Variants in EHBP1 observed in about 807,000 individuals in gnomAD.
EHBP1 encodes EH domain-binding protein 1.
Under a neutral mutation model 144.0 loss-of-function variants are expected in EHBP1, and 55 were observed. The observed-to-expected ratio is 0.38, with a 90% CI of 0.31 to 0.48. The LOEUF (loss-of-function observed/expected upper bound fraction) is 0.48. EHBP1 is among the 20% of genes least tolerant of loss of function. The pLI, the probability that EHBP1 is intolerant of heterozygous loss-of-function variation, is 0.98. For synonymous variants in EHBP1, 469 were observed against 472.7 expected, an observed-to-expected ratio of 0.99 and a Z score of 0.10; for missense variants, 1,200 against 1,364.2, an observed-to-expected ratio of 0.88 and a Z score of 1.90.
intron 5 of EHBP1, among the ~76,000 whole-genome samples, chr2:62,806,006 G>T (rs1005061670): frequency 4.6e-5 from 7 of 151,646 alleles, no homozygotes; most frequent in Non-Finnish European, 8.8e-5. Context: ...CTGAGTCAGG[G>T]TCTCACTCTG....
At chr2:62,820,564 A>G (rs1177917440) in intron 5 of EHBP1, among the ~76,000 whole-genome samples, 1 of 151,144 alleles carries the variant, frequency 6.6e-6, no homozygotes, top group African/African-American at 2.4e-5. Flanking sequence ...TCTGCTTTCT[A>G]TTTGCCTATT....
chr2:62,827,423 A>T (rs1379813303), intron 6 of EHBP1, among the ~76,000 whole-genome samples: 7 of 152,202 alleles, frequency 4.6e-5, no homozygotes, highest in African/African-American at 1.4e-4. Flanking sequence ...TTCAGAGAAG[A>T]TCCTTTGAGG....
chr2:62,697,512 AT>A (rs769142251), intron 1 of EHBP1, among the ~76,000 whole-genome samples: 26 of 152,150 alleles, frequency 1.7e-4, no homozygotes, highest in Non-Finnish European at 3.2e-4. Flanking sequence ...GTTTTTTGTC[AT>A]TGTTAAACAA....
intron 5 of EHBP1, among the ~76,000 whole-genome samples, chr2:62,799,983 G>A (rs1209473973): frequency 1.3e-5 from 2 of 152,146 alleles, no homozygotes; most frequent in Non-Finnish European, 2.9e-5. Context: ...AAAAGTACTC[G>A]TGGTAGAAAG....
At chr2:62,718,262 A>G (rs1009886791) in intron 2 of EHBP1, among the ~76,000 whole-genome samples, 2 of 152,242 alleles carry the variant, frequency 1.3e-5, no homozygotes, top group African/African-American at 2.4e-5. Context: ...GAAATTTTAC[A>G]TAAATCATTT....
intron 8 of EHBP1, 59 bp from the exon 9 acceptor site, chr2:62,864,672 A>G: frequency 1.3e-6 from 2 of 1,509,552 alleles, no homozygotes; most frequent in Middle Eastern, 1.9e-4. Flanking sequence ...ACACTAAACA[A>G]TATTAGAAAA....
intron 5 of EHBP1, among the ~76,000 whole-genome samples, chr2:62,816,845 C>T (rs184624672): frequency 1.5e-3 from 234 of 152,242 alleles, no homozygotes; most frequent in Non-Finnish European, 8.8e-4. Flanking sequence ...CCCACATAAA[C>T]CAAATGAAGG....
chr2:63,032,355 T>C (rs997320426), intron 19 of EHBP1, among the ~76,000 whole-genome samples: 1 of 150,208 alleles, frequency 6.7e-6, no homozygotes, highest in African/African-American at 2.5e-5. Context: ...GATCATGAGG[T>C]CAGGAAATCA....
chr2:62,936,680 TA>T (rs567829996), intron 10 of EHBP1, among the ~76,000 whole-genome samples: 3,235 of 150,280 alleles, frequency 0.022, 83 homozygotes, highest in African/African-American at 0.065. Flanking sequence ...TGTAGAAGAT[TA>T]AAAAAAAAAT....
intron 5 of EHBP1, among the ~76,000 whole-genome samples, chr2:62,811,000 A>C (rs1235921902): frequency 6.6e-6 from 1 of 152,150 alleles, no homozygotes; most frequent in Non-Finnish European, 1.5e-5. Context: ...TCACCTAAAC[A>C]CTTTAAGTTG....
intron 19 of EHBP1, among the ~76,000 whole-genome samples, chr2:63,033,009 ATAT>A (rs2153350547): frequency 6.6e-6 from 1 of 152,296 alleles, no homozygotes; most frequent in Non-Finnish European, 1.5e-5. Context: ...CTGTTTGAGG[ATAT>A]TGTTGGATCA....
chr2:63,045,470 C>T lies in EHBP1; in HGVS notation c.3453C>T (p.Ala1151=). The T allele has an allele frequency of 1.2e-6, 2 of 1,614,028 alleles. No homozygotes were observed. Among genetic ancestry groups the T allele is most frequent in the Non-Finnish European group, 1.7e-6 (2 of 1,179,938 alleles). Residue 1151 remains alanine (A), a synonymous_variant, in exon 23 of 23, where the codon GCC becomes GCT. Coordinates refer to ENST00000431489, the MANE Select transcript of EHBP1 (RefSeq NM_001142616.3). This position sits in a 1 kb window ranked among gnomAD's most constrained non-coding sequence, Gnocchi z 5.7. ...TGGAGCAAAACAAAGGCAAGATGGC[C>T]AAGAAAGAGGAGAAATGTGTTCTTC... is the stretch of plus-strand genomic sequence containing the variant. The part of the protein sequence containing the change: ...RTLEQNKGKM[A]KKEEKCVLQ
intron 5 of EHBP1, among the ~76,000 whole-genome samples, chr2:62,783,392 T>C (rs1339592503): frequency 6.6e-6 from 1 of 152,190 alleles, no homozygotes; most frequent in East Asian, 1.9e-4. Context: ...GTGTAGGGGC[T>C]CCAACCTGAC....
At chr2:62,833,525 A>G (rs1352736661) in intron 7 of EHBP1, among the ~76,000 whole-genome samples, 1 of 152,200 alleles carries the variant, frequency 6.6e-6, no homozygotes. Flanking sequence ...ACATCTTTTT[A>G]TCGCGTGGTT....
intron 2 of EHBP1, among the ~76,000 whole-genome samples, chr2:62,717,733 A>G (rs144199130): frequency 6.6e-6 from 1 of 152,320 alleles, no homozygotes; most frequent in Non-Finnish European, 1.5e-5. Flanking sequence ...AACCTATAAA[A>G]TTTAACTTTA....
At chr2:62,970,416 AAC>A (rs2058444501) in intron 14 of EHBP1, among the ~76,000 whole-genome samples, 2 of 152,136 alleles carry the variant, frequency 1.3e-5, no homozygotes, top group Non-Finnish European at 2.9e-5. Flanking sequence ...TTTTGGTAGA[AAC>A]AGAGTGCTTT....
intron 1 of EHBP1, among the ~76,000 whole-genome samples, chr2:62,675,361 T>G (rs1225640219): frequency 6.6e-6 from 1 of 152,200 alleles, no homozygotes; most frequent in Non-Finnish European, 1.5e-5. Flanking sequence ...TTTTACTAAG[T>G]GACTTTAAAG....
At chr2:62,962,060 C>G (rs774467345) in intron 14 of EHBP1, among the ~76,000 whole-genome samples, 3 of 152,176 alleles carry the variant, frequency 2.0e-5, no homozygotes, top group Admixed American at 6.5e-5. Context: ...TGTGGTGGCC[C>G]ACGCCTGTAA....
At chr2:63,013,865 T>C (rs568380121) in intron 19 of EHBP1, among the ~76,000 whole-genome samples, 22 of 152,202 alleles carry the variant, frequency 1.4e-4, no homozygotes, top group Non-Finnish European at 2.8e-4. Context: ...ATTAGTGAGA[T>C]GAGGAAAATA....
Sources: allele counts gnomAD v4.1 joint callset (sites outside exome capture counted in the v4.1 genomes callset), GRCh38; gene constraint gnomAD v4.1.1; non-coding constraint Gnocchi (gnomAD v3.1); transcripts MANE v1.5; gene names NCBI Gene and HGNC (gene_info 2026-07-23, HGNC 2026-07-21).